Variants in IL1RAPL2 observed in about 807,000 individuals in gnomAD.
IL1RAPL2 encodes the protein interleukin 1 receptor accessory protein like 2.
A neutral mutation model predicts 44.1 loss-of-function variants in IL1RAPL2; 3 were observed. The observed-to-expected ratio is 0.07, with a 90% CI of 0.03 to 0.18. IL1RAPL2 has a LOEUF of 0.18. IL1RAPL2 is among the 10% of genes least tolerant of loss of function. The pLI, the probability that IL1RAPL2 is intolerant of heterozygous loss-of-function variation, is 1.00. For synonymous variants in IL1RAPL2, 181 were observed against 178.8 expected (o/e 1.01, Z -0.10); for missense variants, 391 against 496.4 (o/e 0.79, Z 2.02).
chrX:105,310,490 C>CT (rs1391660024), intron 5 of IL1RAPL2, among the ~76,000 whole-genome samples: 1 of 111,057 alleles, frequency 9.0e-6, no homozygotes, highest in East Asian at 2.8e-4. Flanking sequence ...TTATTACTTC[C>CT]TTTTTTCTGC....
At chrX:105,466,061 T>C (rs940307836) in intron 5 of IL1RAPL2, among the ~76,000 whole-genome samples, 3 of 111,305 alleles carry the variant, frequency 2.7e-5, no homozygotes, top group African/African-American at 9.8e-5. Flanking sequence ...GTGACACCAG[T>C]GAAAGCAAGA....
intron 1 of IL1RAPL2, among the ~76,000 whole-genome samples, chrX:104,588,741 C>T (rs796749171): frequency 8.9e-6 from 1 of 111,947 alleles, no homozygotes; most frequent in East Asian, 2.8e-4. Context: ...CTCTATATTT[C>T]TTAAGTCCAG....
At chrX:105,301,280 G>C (rs2034695486) in intron 5 of IL1RAPL2, among the ~76,000 whole-genome samples, 1 of 111,036 alleles carries the variant, frequency 9.0e-6, no homozygotes, top group African/African-American at 3.3e-5. Context: ...TTTTTTGTAG[G>C]TACATGGTAG....
intron 5 of IL1RAPL2, among the ~76,000 whole-genome samples, chrX:105,385,574 G>A (rs1037194354): frequency 3.6e-5 from 4 of 110,907 alleles, no homozygotes; most frequent in Non-Finnish European, 5.7e-5. Flanking sequence ...TAGTAACAAT[G>A]AGAACAGAAA....
In IL1RAPL2 at chrX:104,608,605, T is replaced by G. The variant is rs182221348; in HGVS notation, c.-20+41554T>G. 1.7e-3 allele frequency among the ~76,000 whole-genome samples: 188 copies of G among 110,169 alleles called. 1 individual carries two copies. The highest frequency in any genetic ancestry group is 5.8e-3 in the African/African-American group (177 of 30,321). On this transcript the variant is annotated intron_variant, in intron 1 of 10. Coordinates refer to ENST00000372582, the MANE Select transcript of IL1RAPL2 (RefSeq NM_017416.2). Reference sequence around the variant, plus strand: ...ATTATGTAATGAACTTCTTTGTCTCTTTTGATCTTTGTTGTTTTAAAGTCT... The same window carrying G: ...ATTATGTAATGAACTTCTTTGTCTCGTTTGATCTTTGTTGTTTTAAAGTCT...
chrX:104,793,189 T>C (rs1409962260), intron 2 of IL1RAPL2, among the ~76,000 whole-genome samples: 3 of 112,173 alleles, frequency 2.7e-5, no homozygotes, highest in Non-Finnish European at 3.8e-5. Flanking sequence ...ATTGTTTTCA[T>C]ATTTCAATTT....
At chrX:105,708,771 A>G (rs2038184952) in intron 6 of IL1RAPL2, among the ~76,000 whole-genome samples, 1 of 112,025 alleles carries the variant, frequency 8.9e-6, no homozygotes, top group Non-Finnish European at 1.9e-5. Flanking sequence ...AACTTTAAAT[A>G]TGAATTTAAT....
chrX:105,042,128 A>G (rs1398353561), intron 2 of IL1RAPL2, among the ~76,000 whole-genome samples: 1 of 111,505 alleles, frequency 9.0e-6, no homozygotes, highest in Non-Finnish European at 1.9e-5. Flanking sequence ...AAAACCCTAG[A>G]AGAAAACCTA....
intron 5 of IL1RAPL2, among the ~76,000 whole-genome samples, chrX:105,341,021 A>C (rs1317998151): frequency 9.0e-6 from 1 of 111,396 alleles, no homozygotes; most frequent in Non-Finnish European, 1.9e-5. Flanking sequence ...TCTATTAATT[A>C]TGGAAGTAAT....
rs753366311 is a variant in IL1RAPL2 at position 105,078,490 on chromosome X, T to C, written c.83-116985T>C. Among the ~76,000 whole-genome samples, 3 of 112,436 alleles carry C rather than the reference T, an allele frequency of 2.7e-5. No individual in the cohort carries two copies. The South Asian group carries it at 1.1e-3, about 42-fold the overall frequency. ...GGCTACTCGGGGGTCAGGGACCCAC[T>C]TGAGGAGGCAGTCTGCCCGTTCTCA... On this transcript the variant is annotated intron_variant, in intron 2 of 10. Transcript: ENST00000372582.
At chrX:105,727,952 A>G (rs990251167) in intron 7 of IL1RAPL2, among the ~76,000 whole-genome samples, 1 of 111,248 alleles carries the variant, frequency 9.0e-6, no homozygotes, top group Non-Finnish European at 1.9e-5. Flanking sequence ...CATTACCCAC[A>G]AGACTCCCCC....
At chrX:105,531,570 A>G (rs756176817) in intron 6 of IL1RAPL2, among the ~76,000 whole-genome samples, 1 of 111,348 alleles carries the variant, frequency 9.0e-6, no homozygotes, top group African/African-American at 3.3e-5. Context: ...ATGTGATCCC[A>G]CTTGTCCATT....
intron 3 of IL1RAPL2, among the ~76,000 whole-genome samples, chrX:105,210,146 C>T (rs1457582265): frequency 9.0e-6 from 1 of 111,628 alleles, no homozygotes; most frequent in Admixed American, 9.5e-5. Flanking sequence ...GGCAGGAAAC[C>T]CCTTGGGTTC....
At chrX:105,508,971 TA>T in intron 6 of IL1RAPL2, among the ~76,000 whole-genome samples, 1 of 112,045 alleles carries the variant, frequency 8.9e-6, no homozygotes, top group South Asian at 3.7e-4. Flanking sequence ...TTTACCTCTG[TA>T]ACTCAGCTTT....
chrX:104,951,440 A>G (rs956485660), intron 2 of IL1RAPL2, among the ~76,000 whole-genome samples: 5 of 112,198 alleles, frequency 4.5e-5, no homozygotes, highest in African/African-American at 1.6e-4. Context: ...TGAATGCACA[A>G]CTCACTTAAA....
At position 105,767,068 on chromosome X, in the gene IL1RAPL2, G is replaced by A. The variant is rs774054614; in HGVS notation, c.1468G>A (p.Glu490Lys). 2.5e-6 allele frequency: 3 copies of A among 1,205,629 alleles called. No individual in the cohort carries two copies. The South Asian group carries it at 5.3e-5, about 21-fold the overall frequency. ...ACGGGGATGGAGTATTTTCGAACTGGAAAGCAGACTCCATAACATGCTAGT... is the reference window on the plus strand; with the variant it reads ...ACGGGGATGGAGTATTTTCGAACTGAAAAGCAGACTCCATAACATGCTAGT... ...LRRGWSIFEL[E>K]SRLHNMLVSG... Residue 490 changes from glutamate (E) to lysine (K), a missense_variant, in exon 11 of 11, where the codon GAA becomes AAA. Glu to Lys is a moderately conservative substitution (Grantham distance 56). Around this residue, in one of 2 missense-constraint regions of IL1RAPL2, gnomAD observed 232 missense variants for 244.8 expected, o/e 0.95. Coordinates refer to ENST00000372582, the MANE Select transcript of IL1RAPL2 (RefSeq NM_017416.2).
intron 6 of IL1RAPL2, among the ~76,000 whole-genome samples, chrX:105,570,441 C>G (rs1168060269): frequency 8.9e-6 from 1 of 111,913 alleles, no homozygotes; most frequent in East Asian, 2.8e-4. Context: ...ATAATGACTT[C>G]TTTTCCTTTG....
At chrX:104,824,783 C>T (rs749386873) in intron 2 of IL1RAPL2, among the ~76,000 whole-genome samples, 85 of 111,392 alleles carry the variant, frequency 7.6e-4, no homozygotes, top group Non-Finnish European at 1.3e-3. Flanking sequence ...CTCTTTTCTT[C>T]TTTATTAGTC....
chrX:104,616,155 T>C (rs970835231), intron 1 of IL1RAPL2, among the ~76,000 whole-genome samples: 1 of 112,640 alleles, frequency 8.9e-6, no homozygotes, highest in Non-Finnish European at 1.9e-5. Context: ...GCAAAAATTT[T>C]CTCCGCTCTG....
Sources: gnomAD v4.1 joint callset for allele counts (sites outside exome capture counted in the v4.1 genomes callset) on GRCh38, gnomAD v4.1.1 for gene constraint, gnomAD v4.1.1 regional missense constraint, MANE v1.5 for transcripts, NCBI Gene and HGNC (gene_info 2026-07-23, HGNC 2026-07-21) for gene names.